HID1: variants seen among roughly 807,000 people sequenced by gnomAD.
The protein encoded by HID1 is protein HID1.
HID1 carries 42 observed loss-of-function variants against 89.7 expected under a neutral mutation model. The ratio of observed to expected loss-of-function variants is 0.47; its 90% CI spans 0.37 to 0.61. The LOEUF (loss-of-function observed/expected upper bound fraction) is 0.61, where lower values mean the gene tolerates loss of function less well. Among genes scored for constraint, HID1 ranks in the 20% least tolerant of loss-of-function variants. The pLI is 0.00. For missense variants in HID1, 854 were observed against 1,039.3 expected (o/e 0.82, Z 2.45); for synonymous variants, 442 against 433.8 (o/e 1.02, Z -0.24).
At chr17:74,964,345 C>A in intron 2 of HID1, 138 bp downstream of exon 2, 2 of 995,894 alleles carry the variant, frequency 2.0e-6, no homozygotes, top group East Asian at 2.6e-5. Context: ...GCAAAGAGAA[C>A]CACAGAGAAG....
At chr17:74,964,659 T>C (rs754768826) in intron 1 of HID1, 27 bp from the exon 2 acceptor site, 3 of 1,602,856 alleles carry the variant, frequency 1.9e-6, no homozygotes, top group Admixed American at 3.4e-5. Flanking sequence ...GGTCCAGAGT[T>C]ACACAACTCC....
In HID1 at chr17:74,958,477, A is replaced by T; in HGVS notation, c.1242T>A (p.Ser414=). The change falls in exon 11 of 19, where the codon TCT becomes TCA. Residue 414 remains serine (S), a splice_region_variant and synonymous_variant. Transcript: ENST00000425042. The surrounding 1 kb of genome is among the most constrained non-coding windows in gnomAD (Gnocchi z 5.2). ...CACCAATGTGCATCAGGCCCACCCG[A>T]GCTGCGGCAGGTGGCGTGGGAGGGG... ...FFLNDARADQ[S]RVGLMHIGVF... 1 of 1,590,938 alleles carries T rather than the reference A, an allele frequency of 6.3e-7. No individual in the cohort carries two copies. Among genetic ancestry groups the T allele is most frequent in the Non-Finnish European group, 8.6e-7 (1 of 1,168,958 alleles).
intron 3 of HID1, chr17:74,963,396 T>C (rs2039514562): frequency 2.1e-6 from 1 of 480,778 alleles, no homozygotes; most frequent in African/African-American, 2.0e-5. Context: ...CACCTGGACA[T>C]AAACCCAGGG....
At chr17:74,956,762 G>T (rs117908614) in intron 12 of HID1, among the ~76,000 whole-genome samples, 1 of 152,202 alleles carries the variant, frequency 6.6e-6, no homozygotes, top group Non-Finnish European at 1.5e-5. Context: ...AAGGCATTTT[G>T]CCCCAGCCCA....
In HID1 at chr17:74,951,895, C is replaced by T. The variant is rs759470336; in HGVS notation, c.2303+10G>A. 1.3e-5 allele frequency: 20 copies of T among 1,507,460 alleles called. No individual in the cohort carries two copies. In the South Asian group the frequency reaches 1.7e-4, roughly 13 times the overall value. The allele number at this position is 1,507,460 out of a possible 1,614,324, so 93.4% of individuals were successfully genotyped here. Reference sequence around the variant, plus strand: ...CTCAGGTGGACACCACCCCACTCCCCGGGGCCCACCTCAGATAGATGACGC... The same window carrying T: ...CTCAGGTGGACACCACCCCACTCCCTGGGGCCCACCTCAGATAGATGACGC... On this transcript the variant is annotated intron_variant, in intron 18 of 18. Coordinates refer to ENST00000425042, the MANE Select transcript of HID1 (RefSeq NM_030630.3).
intron 6 of HID1, among the ~76,000 whole-genome samples, chr17:74,960,675 G>C (rs529187073): frequency 2.0e-5 from 3 of 152,236 alleles, no homozygotes; most frequent in Non-Finnish European, 4.4e-5. Flanking sequence ...GCCTGATAAG[G>C]CTGGTGAGAA....
At chr17:74,963,666 T>C (rs2039518417) in intron 3 of HID1, 74 bp downstream of exon 3, 1 of 1,409,560 alleles carries the variant, frequency 7.1e-7, no homozygotes. Context: ...TGGAGGAGCA[T>C]GGCCGGCCCT....
In HID1 at chr17:74,960,052, T is replaced by A. The variant is rs755651210; in HGVS notation, c.925A>T (p.Thr309Ser). 6.2e-7 allele frequency: 1 copy of A among 1,613,676 alleles called. No homozygotes were observed. The highest frequency in any genetic ancestry group is 2.2e-5 in the East Asian group (1 of 44,878). ...TCGGCATCATCCATGGCGGTGCCAG[T>A]GGTGGTGCCGTCCACAGTGGGGCTG... ...SASPTVDGTT[T>S]GTAMDDADPP... is the part of the protein sequence containing the mutation. The change falls in exon 7 of 19, where the codon ACT (threonine) becomes TCT (serine). Residue 309 changes from threonine to serine, a missense_variant. Physicochemically the swap from Thr to Ser is moderately conservative, Grantham distance 58 (BLOSUM62 1). Coordinates refer to ENST00000425042, the MANE Select transcript of HID1 (RefSeq NM_030630.3).
chr17:74,961,125 G>C (rs1360629079), intron 6 of HID1, among the ~76,000 whole-genome samples: 1 of 152,192 alleles, frequency 6.6e-6, no homozygotes. Context: ...TCGGAACCAA[G>C]ACAAATACAC....
At position 74,958,014 on chromosome 17, in the gene HID1, A is replaced by G. The variant is rs1212068757; in HGVS notation, c.1471+127T>C. The G allele has an allele frequency of 1.4e-6, 1 of 716,366 alleles. No individual in the cohort carries two copies. The highest frequency in any genetic ancestry group is 2.6e-5 in the Admixed American group (1 of 38,194). 44.4% of individuals were successfully genotyped at this position (716,366 alleles called of 1,614,324 possible). On this transcript the variant is annotated intron_variant, in intron 12 of 18. Transcript: ENST00000425042. The surrounding 1 kb of genome is among the most constrained non-coding windows in gnomAD (Gnocchi z 5.2). ...TTTTTTTTTAATGTGGCTACTATGAAGGGTACACAAGCTTGCGTTCTTTCT... is the reference window on the plus strand; with the variant it reads ...TTTTTTTTTAATGTGGCTACTATGAGGGGTACACAAGCTTGCGTTCTTTCT...
rs375262165 is a variant in HID1, at chr17:74,952,365, C to A, written c.2053-5G>T. Reference sequence around the variant, plus strand: ...CTTCGACTTCCAGGAGAGGACCTGGCGAGGGACGGGGTTCCTGGGGCTGAG... The same window carrying A: ...CTTCGACTTCCAGGAGAGGACCTGGAGAGGGACGGGGTTCCTGGGGCTGAG... On this transcript the variant is annotated splice_polypyrimidine_tract_variant and splice_region_variant and intron_variant, in intron 16 of 18. Transcript: ENST00000425042. 6.1e-5 allele frequency: 98 copies of A among 1,612,400 alleles called. No individual in the cohort carries two copies. The African/African-American group carries it at 1.1e-3, about 18-fold the overall frequency.
chr17:74,964,962 A>G (rs1857119802), intron 1 of HID1, among the ~76,000 whole-genome samples: 1 of 152,250 alleles, frequency 6.6e-6, no homozygotes, highest in South Asian at 2.1e-4. Flanking sequence ...CCACCTGGGC[A>G]CAGCCCCAGG....
At chr17:74,960,385 G>C in intron 6 of HID1, 137 bp from the exon 7 acceptor site, 1 of 730,580 alleles carries the variant, frequency 1.4e-6, no homozygotes, top group East Asian at 2.7e-5. Context: ...CTTGGAAAGA[G>C]TGGGTGTGGG....
Position 74,960,096 on chromosome 17 carries a change from T to C in HID1, c.881A>G (p.His294Arg). 1 of 1,613,986 alleles carries C rather than the reference T, an allele frequency of 6.2e-7. No individual in the cohort carries two copies. The highest frequency in any genetic ancestry group is 8.5e-7 in the Non-Finnish European group (1 of 1,180,044). ...AAQVLIVTLD[H>R]DSASSASPTV... Reference sequence around the variant, plus strand: ...GGGGCTGGCACTGCTGGCACTGTCGTGGTCCAAAGTGACAATGAGCACCTG... The same window carrying C: ...GGGGCTGGCACTGCTGGCACTGTCGCGGTCCAAAGTGACAATGAGCACCTG... Residue 294 changes from histidine (H) to arginine (R), a missense_variant, in exon 7 of 19, where the codon CAC becomes CGC. Coordinates refer to ENST00000425042, the MANE Select transcript of HID1 (RefSeq NM_030630.3).
chr17:74,959,902 C>T lies in HID1; in HGVS notation c.987G>A (p.Leu329=). ...PGPENLFVNY[L]SRIHREEDFQ... ...TTGCCTCCTCACGATGGATGCGGGA[C>T]AGGTAGTTCACAAACAGGTTCTCAG... The change falls in exon 8 of 19, where the codon CTG becomes CTA. Residue 329 remains leucine (L), a synonymous_variant. Transcript: ENST00000425042. The surrounding 1 kb of genome is among the most constrained non-coding windows in gnomAD (Gnocchi z 4.6). 6.2e-7 allele frequency: 1 copy of T among 1,613,734 alleles called. No individual in the cohort carries two copies. Among genetic ancestry groups the T allele is most frequent in the Non-Finnish European group, 8.5e-7 (1 of 1,180,034 alleles).
At position 74,962,103 on chromosome 17, in the gene HID1, C is replaced by A. The variant is rs375753124; in HGVS notation, c.612-114G>T. 3.6e-6 allele frequency: 4 copies of A among 1,111,410 alleles called. No homozygotes were observed. In the African/African-American group the frequency reaches 4.7e-5, roughly 13 times the overall value. 68.8% of individuals were successfully genotyped at this position (1,111,410 alleles called of 1,614,324 possible). On this transcript the variant is annotated intron_variant, in intron 5 of 18. Coordinates refer to ENST00000425042, the MANE Select transcript of HID1 (RefSeq NM_030630.3). The surrounding 1 kb of genome is among the most constrained non-coding windows in gnomAD (Gnocchi z 4.3). Reference sequence around the variant, plus strand: ...ATGGAAGGAAGTTACTCCCGTTGACCCCTGTAAGGTCAAGGTCGGGTCATA... The same window carrying A: ...ATGGAAGGAAGTTACTCCCGTTGACACCTGTAAGGTCAAGGTCGGGTCATA...
Position 74,962,157 on chromosome 17 carries a change from A to C in HID1, c.611+77T>G. Reference sequence around the variant, plus strand: ...GAGGACGGTCTTCTGGGAAGACCCCATGGGCTTTCTGAGCTGTGCGGGGGC... The same window carrying C: ...GAGGACGGTCTTCTGGGAAGACCCCCTGGGCTTTCTGAGCTGTGCGGGGGC... On this transcript the variant is annotated intron_variant, in intron 5 of 18. Transcript: ENST00000425042. This position sits in a 1 kb window ranked among gnomAD's most constrained non-coding sequence, Gnocchi z 4.3. The C allele has an allele frequency of 7.6e-7, 1 of 1,313,998 alleles. No individual in the cohort carries two copies. Among genetic ancestry groups the C allele is most frequent in the East Asian group, 2.4e-5 (1 of 42,062 alleles). 81.4% of individuals were successfully genotyped at this position (1,313,998 alleles called of 1,614,324 possible).
Position 74,963,149 on chromosome 17 carries a change from G to A in HID1, c.388-68C>T, listed in dbSNP as rs576817497. On this transcript the variant is annotated intron_variant, in intron 3 of 18. Transcript: ENST00000425042. ...CAGGAAGAGGTGGCCCAGGGCTTGGGGGTGGTGGAGGACAGGGGCTGAGCC... is the reference window on the plus strand; with the variant it reads ...CAGGAAGAGGTGGCCCAGGGCTTGGAGGTGGTGGAGGACAGGGGCTGAGCC... 14 of 1,167,244 alleles carry A rather than the reference G, an allele frequency of 1.2e-5. No homozygotes were observed. In the South Asian group the frequency reaches 1.4e-4, roughly 12 times the overall value. 72.3% of individuals were successfully genotyped at this position (1,167,244 alleles called of 1,614,324 possible).
Position 74,952,707 on chromosome 17 carries a change from G to A in HID1, c.2052+299C>T, listed in dbSNP as rs112890088. Among the ~76,000 whole-genome samples, 78 of 152,274 alleles carry A rather than the reference G, an allele frequency of 5.1e-4. 2 individuals carry two copies. In the Middle Eastern group the frequency reaches 0.01, roughly 20 times the overall value. ...GGGATGAGATTCAGGGGAGGAAGTC[G>A]GAAAGAGTGATTTATTAAGGAAGAG... On this transcript the variant is annotated intron_variant, in intron 16 of 18. Transcript: ENST00000425042.
Sources: gnomAD v4.1 joint callset for allele counts (sites outside exome capture counted in the v4.1 genomes callset) on GRCh38, gnomAD v4.1.1 for gene constraint, Gnocchi (gnomAD v3.1) non-coding constraint, MANE v1.5 for transcripts, NCBI Gene and HGNC (gene_info 2026-07-23, HGNC 2026-07-21) for gene names.